Variants in SLC38A11 observed in about 807,000 individuals in gnomAD.
The protein encoded by SLC38A11 is putative sodium-coupled neutral amino acid transporter 11.
A neutral mutation model predicts 49.4 loss-of-function variants in SLC38A11; 51 were observed. That is an observed-to-expected ratio of 1.03 (90% CI 0.83 to 1.30). The LOEUF (loss-of-function observed/expected upper bound fraction) is 1.30, where lower values mean the gene tolerates loss of function less well. SLC38A11 is among the 50% of genes most tolerant of loss of function. The pLI is 0.00. For missense variants in SLC38A11, 574 were observed against 556.2 expected, an observed-to-expected ratio of 1.03 and a Z score of -0.32; for synonymous variants, 203 against 192.9, an observed-to-expected ratio of 1.05 and a Z score of -0.43.
At position 164,915,139 on chromosome 2, in the gene SLC38A11, AT is replaced by A; in HGVS notation, c.822del (p.Tyr275ThrfsTer2). The A allele has an allele frequency of 3.7e-6, 6 of 1,609,528 alleles. No homozygotes were observed. The highest frequency in any genetic ancestry group is 4.2e-6 in the Non-Finnish European group (5 of 1,178,160). Reference protein sequence around the residue: ...VFICIFFATCGYLTFTGFTQG... With the variant: ...VFICIFFATCXYLTFTGFTQG... Reference sequence around the variant, plus strand: ...TGGGTGAAGCCAGTAAATGTCAAGTATCCACATGTAGCAAAGAATATACAGA... The same window carrying A: ...TGGGTGAAGCCAGTAAATGTCAAGTACCACATGTAGCAAAGAATATACAGA... On this transcript the variant is annotated frameshift_variant, in exon 9 of 12. Coordinates refer to ENST00000685975, the MANE Select transcript of SLC38A11 (RefSeq NM_001351537.2). LOFTEE classifies it high-confidence loss of function.
At chr2:164,954,845 A>G in intron 1 of SLC38A11, 100 bp from the exon 2 acceptor site, 1 of 575,730 alleles carries the variant, frequency 1.7e-6, no homozygotes, top group Non-Finnish European at 3.1e-6. Flanking sequence ...TCTAGTAATA[A>G]TAAGTAATGT....
intron 7 of SLC38A11, among the ~76,000 whole-genome samples, chr2:164,926,919 G>A (rs1686640119): frequency 6.6e-6 from 1 of 150,586 alleles, no homozygotes; most frequent in African/African-American, 2.4e-5. Context: ...TGTAAATGAC[G>A]AGTTAATGGG....
At chr2:164,950,841 G>A (rs1427932157) in intron 3 of SLC38A11, among the ~76,000 whole-genome samples, 1 of 151,984 alleles carries the variant, frequency 6.6e-6, no homozygotes, top group East Asian at 1.9e-4. Context: ...GCAAACCACT[G>A]ATTAATTATA....
In SLC38A11 at chr2:164,908,640, A is replaced by G; in HGVS notation, c.1095T>C (p.Asn365=). The G allele has an allele frequency of 1.9e-6, 3 of 1,545,656 alleles. No homozygotes were observed. The highest frequency in any genetic ancestry group is 2.6e-6 in the Non-Finnish European group (3 of 1,141,244). ...IDCLGIVLEL[N]GVLCATPLIF... ...GGGGTAAATCTTTGCACGTACTCAC[A>G]TTGAGTTCTAGAACTATCCCGAGGC... Residue 365 remains asparagine (N), a splice_region_variant and synonymous_variant, in exon 11 of 12, where the codon AAT becomes AAC. Transcript: ENST00000685975.
chr2:164,948,423 G>T (rs1688286548), intron 3 of SLC38A11, among the ~76,000 whole-genome samples: 1 of 152,166 alleles, frequency 6.6e-6, no homozygotes, highest in South Asian at 2.1e-4. Flanking sequence ...AGAGGTAGGT[G>T]CTGGTTATCA....
chr2:164,948,912 TACTC>T (rs1688323682), intron 3 of SLC38A11, among the ~76,000 whole-genome samples: 2 of 146,484 alleles, frequency 1.4e-5, no homozygotes, highest in African/African-American at 5.1e-5. Flanking sequence ...TTTTCATAAA[TACTC>T]AGAGGAAGTA....
chr2:164,936,929 T>C (rs1288990345), intron 7 of SLC38A11, among the ~76,000 whole-genome samples: 1 of 152,186 alleles, frequency 6.6e-6, no homozygotes, highest in Non-Finnish European at 1.5e-5. Context: ...CACAAAATAA[T>C]TAAGGAAAAT....
intron 6 of SLC38A11, 64 bp from the exon 7 acceptor site, chr2:164,937,493 A>C (rs1357794960): frequency 1.8e-6 from 2 of 1,098,714 alleles, no homozygotes; most frequent in African/African-American, 3.1e-5. Context: ...TAAAATGTTA[A>C]GTCTTTCTCA....
chr2:164,935,179 T>C (rs979835675), intron 7 of SLC38A11, among the ~76,000 whole-genome samples: 1 of 141,632 alleles, frequency 7.1e-6, no homozygotes, highest in African/African-American at 2.5e-5. Context: ...TTTTTCTTCT[T>C]TTTTTTTTTT....
intron 7 of SLC38A11, among the ~76,000 whole-genome samples, chr2:164,929,283 T>A (rs143642067): frequency 6.0e-4 from 92 of 152,276 alleles, no homozygotes; most frequent in African/African-American, 2.1e-3. Context: ...TTGGCATCAC[T>A]GTCCTTTGGG....
At chr2:164,945,567 A>G in intron 4 of SLC38A11, 26 bp downstream of exon 4, 1 of 1,572,368 alleles carries the variant, frequency 6.4e-7, no homozygotes, top group South Asian at 1.2e-5. Flanking sequence ...ACATAATTGC[A>G]ATATTTATCT....
chr2:164,905,425 C>T (rs370776351), intron 11 of SLC38A11, among the ~76,000 whole-genome samples: 1 of 152,094 alleles, frequency 6.6e-6, no homozygotes, highest in East Asian at 1.9e-4. Context: ...AGCCACTGCG[C>T]CCTGCCCACA....
chr2:164,929,909 A>G (rs1686872611), intron 7 of SLC38A11, among the ~76,000 whole-genome samples: 1 of 152,152 alleles, frequency 6.6e-6, no homozygotes, highest in Non-Finnish European at 1.5e-5. Flanking sequence ...AGAAATAACC[A>G]AAATCAGAGC....
chr2:164,937,784 T>C (rs1032306809), intron 6 of SLC38A11: 3 of 166,258 alleles, frequency 1.8e-5, no homozygotes, highest in Non-Finnish European at 3.9e-5. Flanking sequence ...CTTCAAGTCT[T>C]ATTTTAGTGT....
intron 5 of SLC38A11, among the ~76,000 whole-genome samples, chr2:164,942,467 G>C (rs1425245957): frequency 1.3e-5 from 2 of 149,040 alleles, no homozygotes; most frequent in South Asian, 2.1e-4. Context: ...AGAGAAAAGA[G>C]AGAAGGAAAG....
At chr2:164,926,765 A>T (rs552309853) in intron 7 of SLC38A11, among the ~76,000 whole-genome samples, 1 of 150,788 alleles carries the variant, frequency 6.6e-6, no homozygotes, top group Non-Finnish European at 1.5e-5. Context: ...TCGCAAGGAC[A>T]GAAAATCAAA....
rs1395650294 is a variant in SLC38A11, at chr2:164,898,193, C to G, written c.*244G>C. Reference sequence around the variant, plus strand: ...CAGAAAATGCTAAAGGCTTAACTCTCCCTTCTTCAATTAGCATTAGTGTAG... The same window carrying G: ...CAGAAAATGCTAAAGGCTTAACTCTGCCTTCTTCAATTAGCATTAGTGTAG... On this transcript the variant is annotated 3_prime_UTR_variant, in exon 12 of 12. Transcript: ENST00000685975. 3 of 327,382 alleles carry G rather than the reference C, an allele frequency of 9.2e-6. No homozygotes were observed. The highest frequency in any genetic ancestry group is 2.2e-5 in the African/African-American group (1 of 46,370). 20.3% of individuals were successfully genotyped at this position (327,382 alleles called of 1,614,324 possible). A position where few individuals can be genotyped will look rare whatever the true frequency, so the allele number is the denominator to read the frequency against.
chr2:164,905,292 T>TG lies in SLC38A11; in HGVS notation c.1095+3347_1095+3348insC, dbSNP rs753234173. On this transcript the variant is annotated intron_variant, in intron 11 of 11. Transcript: ENST00000685975. ...GCCACCACACCCAGCTAATATTTTCTCTTTTTTTTGGTATTTTTTAGTAGA... is the reference window on the plus strand; with the variant it reads ...GCCACCACACCCAGCTAATATTTTCTGCTTTTTTTTGGTATTTTTTAGTAGA... Among the ~76,000 whole-genome samples the TG allele has an allele frequency of 7.9e-5, 12 of 151,850 alleles. No homozygotes were observed. In the South Asian group the frequency reaches 8.3e-4, roughly 11 times the overall value.
chr2:164,930,340 C>T (rs72884467), intron 7 of SLC38A11, among the ~76,000 whole-genome samples: 10,491 of 152,062 alleles, frequency 0.069, 400 homozygotes, highest in Admixed American at 0.1. Context: ...AGAGCTGGTA[C>T]ATTCCTGCTG....
Sources: allele counts gnomAD v4.1 joint callset (sites outside exome capture counted in the v4.1 genomes callset), GRCh38; gene constraint gnomAD v4.1.1; transcripts MANE v1.5; gene names NCBI Gene and HGNC (gene_info 2026-07-23, HGNC 2026-07-21).